Variants in GPAM observed in about 807,000 individuals in gnomAD.
GPAM encodes the protein glycerol-3-phosphate acyltransferase, mitochondrial.
Under a neutral mutation model 105.0 loss-of-function variants are expected in GPAM, and 56 were observed. The ratio of observed to expected loss-of-function variants is 0.53; its 90% CI spans 0.43 to 0.67. The LOEUF (loss-of-function observed/expected upper bound fraction) is 0.67. Among genes scored for constraint, GPAM ranks in the 30% least tolerant of loss-of-function variants. The probability of loss-of-function intolerance (pLI) is 0.00; values close to 1 mark genes in which losing one functional copy is unlikely to be tolerated. For synonymous variants in GPAM, 368 were observed against 354.4 expected (o/e 1.04, Z -0.43); for missense variants, 855 against 989.8 (o/e 0.86, Z 1.83).
chr10:112,192,042 A>G (rs1377845420), intron 1 of GPAM, among the ~76,000 whole-genome samples: 4 of 152,218 alleles, frequency 2.6e-5, no homozygotes, highest in South Asian at 2.1e-4. Context: ...GAAGGGGACC[A>G]GCCTGAGCCG....
chr10:112,217,862 G>A (rs953048186), upstream of GPAM, among the ~76,000 whole-genome samples: 1 of 152,098 alleles, frequency 6.6e-6, no homozygotes, highest in Admixed American at 6.6e-5. Context: ...ACACAAAACA[G>A]GTCTTTATTC....
In GPAM at chr10:112,181,725, T is replaced by C; in HGVS notation, c.60A>G (p.Ser20=). 6.2e-7 allele frequency: 1 copy of C among 1,610,902 alleles called. No individual in the cohort carries two copies. The highest frequency in any genetic ancestry group is 1.3e-5 in the African/African-American group (1 of 74,970). ...TIDVSYLPHS[S]EYSVGRCKHT... Reference sequence around the variant, plus strand: ...GCTTACATCGACCAACACTGTATTCTGATGAATGTGGCAGATAAGAAACAT... The same window carrying C: ...GCTTACATCGACCAACACTGTATTCCGATGAATGTGGCAGATAAGAAACAT... The change falls in exon 3 of 22, where the codon TCA becomes TCG. Residue 20 remains serine (S), a synonymous_variant. Transcript: ENST00000348367.
chr10:112,199,848 G>A (rs1239237479), intron 1 of GPAM, among the ~76,000 whole-genome samples: 1 of 151,996 alleles, frequency 6.6e-6, no homozygotes, highest in Non-Finnish European at 1.5e-5. Context: ...CAGTATGGGG[G>A]AACCGCCCCC....
At chr10:112,167,215 T>C (rs1374759304) in intron 11 of GPAM, among the ~76,000 whole-genome samples, 2 of 152,140 alleles carry the variant, frequency 1.3e-5, no homozygotes, top group African/African-American at 4.8e-5. Context: ...TTCTGACATG[T>C]CTGGAGCCGT....
chr10:112,151,644 TGCAGCAATGACAGGCAGG>T lies in GPAM; in HGVS notation c.*1888_*1905del. The T allele has an allele frequency of 1.1e-5, 11 of 985,434 alleles. No homozygotes were observed. The highest frequency in any genetic ancestry group is 1.3e-5 in the Non-Finnish European group (11 of 829,934). 61.0% of individuals were successfully genotyped at this position (985,434 alleles called of 1,614,324 possible). A position where few individuals can be genotyped will look rare whatever the true frequency, so the allele number is the denominator to read the frequency against. On this transcript the variant is annotated 3_prime_UTR_variant, in exon 22 of 22. Transcript: ENST00000348367. ...TTAGGTTGGCAAAGCAGCAGCTCTTTGCAGCAATGACAGGCAGGGCAGAGTGTCGACTGGGAAGCGAGT... is the reference window on the plus strand; with the variant it reads ...TTAGGTTGGCAAAGCAGCAGCTCTTTGCAGAGTGTCGACTGGGAAGCGAGT...
At chr10:112,175,463 A>C (rs981879057) in intron 6 of GPAM, 137 bp downstream of exon 6, 1 of 682,326 alleles carries the variant, frequency 1.5e-6, no homozygotes, top group Non-Finnish European at 2.7e-6. Context: ...GGAGCTTAAC[A>C]TTTAATGTTT....
intron 9 of GPAM, 77 bp from the exon 10 acceptor site, chr10:112,169,029 C>A: frequency 1.0e-6 from 1 of 998,992 alleles, no homozygotes; most frequent in Non-Finnish European, 1.6e-6. Flanking sequence ...TAATTGAAAA[C>A]ATTTGCCAAG....
Position 112,199,647 on chromosome 10 carries a change from G to A in GPAM, n.210+15521C>T, listed in dbSNP as rs553737014. Among the ~76,000 whole-genome samples, 4 of 152,252 alleles carry A rather than the reference G, an allele frequency of 2.6e-5. No individual in the cohort carries two copies. In the East Asian group the frequency reaches 7.7e-4, roughly 29 times the overall value. Reference sequence around the variant, plus strand: ...AGTCTGTTCTCACGCTGCTGATAAAGGTAATTTATAAAGGAAAGAGGCTTA... The same window carrying A: ...AGTCTGTTCTCACGCTGCTGATAAAAGTAATTTATAAAGGAAAGAGGCTTA... On this transcript the variant is annotated intron_variant and non_coding_transcript_variant, in intron 1 of 3. Coordinates refer to the GPAM transcript ENST00000480130.
Position 112,168,299 on chromosome 10 carries a change from T to C in GPAM, c.1107+13A>G. The C allele has an allele frequency of 7.0e-7, 1 of 1,429,234 alleles. No homozygotes were observed. The highest frequency in any genetic ancestry group is 9.9e-7 in the Non-Finnish European group (1 of 1,011,146). 88.5% of individuals were successfully genotyped at this position (1,429,234 alleles called of 1,614,324 possible). ...TTGATAAGCAAAGAAAACTTTTGTG[T>C]AGGTACCCTTACCAGTTGTTCACCA... On this transcript the variant is annotated intron_variant, in intron 11 of 21. Transcript: ENST00000348367.
rs1488713619 is a variant in GPAM, at chr10:112,152,459, T to C, written c.*1091A>G. 18 of 985,378 alleles carry C rather than the reference T, an allele frequency of 1.8e-5. No homozygotes were observed. Among genetic ancestry groups the C allele is most frequent in the East Asian group, 1.1e-4 (1 of 8,810 alleles). The allele number at this position is 985,378 out of a possible 1,614,324, so 61.0% of individuals were successfully genotyped here. ...AAAATCCATAAATGCCTCTAACCAT[T>C]ACCAGTCAGTAGGGCCACCACATGC... On this transcript the variant is annotated 3_prime_UTR_variant, in exon 22 of 22. Coordinates refer to ENST00000348367, the MANE Select transcript of GPAM (RefSeq NM_001244949.2).
At chr10:112,203,491 C>T (rs1482980460) in intron 1 of GPAM, among the ~76,000 whole-genome samples, 1 of 152,244 alleles carries the variant, frequency 6.6e-6, no homozygotes, top group East Asian at 1.9e-4. Flanking sequence ...GTCCTAGTTA[C>T]TAAGGCTTTC....
At chr10:112,174,667 C>T (rs950917762) in intron 6 of GPAM, among the ~76,000 whole-genome samples, 1 of 152,200 alleles carries the variant, frequency 6.6e-6, no homozygotes, top group Non-Finnish European at 1.5e-5. Context: ...CAAAATTCCA[C>T]ATAGCCCCAT....
intron 16 of GPAM, chr10:112,160,366 G>A: frequency 1.0e-6 from 1 of 974,926 alleles, no homozygotes; most frequent in Non-Finnish European, 1.2e-6. Context: ...CTCCTGGATA[G>A]CAAGACACTC....
At chr10:112,222,590 C>T in the GPAM span, among the ~76,000 whole-genome samples, 1 of 152,150 alleles carries the variant, frequency 6.6e-6, no homozygotes, top group Non-Finnish European at 1.5e-5. Flanking sequence ...GTCTTCATGC[C>T]AAATGGGAAC....
At chr10:112,200,099 G>A (rs1259615604) in intron 1 of GPAM, among the ~76,000 whole-genome samples, 1 of 148,614 alleles carries the variant, frequency 6.7e-6, no homozygotes, top group African/African-American at 2.5e-5. Flanking sequence ...TAAAGCAACT[G>A]GAGACAGGAG....
chr10:112,204,261 T>A (rs1286609114), intron 1 of GPAM, among the ~76,000 whole-genome samples: 1 of 151,352 alleles, frequency 6.6e-6, no homozygotes, highest in Non-Finnish European at 1.5e-5. Flanking sequence ...GTTCTTTTTT[T>A]TTTTTTTTTT....
upstream of GPAM, among the ~76,000 whole-genome samples, chr10:112,187,113 CAAA>C (rs907452203): frequency 2.6e-5 from 4 of 152,000 alleles, no homozygotes; most frequent in African/African-American, 9.7e-5. Context: ...AACACATCAA[CAAA>C]GAAGCTTAAG....
chr10:112,169,224 C>A (rs1454592092), intron 9 of GPAM, among the ~76,000 whole-genome samples: 1 of 152,036 alleles, frequency 6.6e-6, no homozygotes, highest in African/African-American at 2.4e-5. Context: ...GACATATTAC[C>A]CGTAAAAATG....
Position 112,178,123 on chromosome 10 carries a change from A to T in GPAM, c.226-66T>A, listed in dbSNP as rs1589595727. On this transcript the variant is annotated intron_variant, in intron 4 of 21. Coordinates refer to ENST00000348367, the MANE Select transcript of GPAM (RefSeq NM_001244949.2). The stretch of plus-strand genomic sequence containing the variant: ...AGATTGACGGTGAAGAGCTCTCATT[A>T]TGAGTTCTTGATAACTTTAATATCA... The T allele has an allele frequency of 3.6e-6, 3 of 825,972 alleles. No individual in the cohort carries two copies. The Admixed American group carries it at 5.4e-5, about 15-fold the overall frequency. The allele number at this position is 825,972 out of a possible 1,614,324, so 51.2% of individuals were successfully genotyped here.
Sources: gnomAD v4.1 joint callset for allele counts (sites outside exome capture counted in the v4.1 genomes callset) on GRCh38, gnomAD v4.1.1 for gene constraint, MANE v1.5 for transcripts, NCBI Gene and HGNC (gene_info 2026-07-23, HGNC 2026-07-21) for gene names.